Variants in WRN observed in about 807,000 individuals in gnomAD.
WRN encodes bifunctional 3'-5' exonuclease/ATP-dependent helicase WRN.
A neutral mutation model predicts 180.7 loss-of-function variants in WRN; 149 were observed. The ratio of observed to expected loss-of-function variants is 0.82; its 90% CI spans 0.72 to 0.94. The LOEUF (loss-of-function observed/expected upper bound fraction) is 0.94. WRN is among the 40% of genes least tolerant of loss of function. WRN has a pLI of 0.00. For missense variants in WRN, 1,661 were observed against 1,700.1 expected (o/e 0.98, Z 0.40); for synonymous variants, 548 against 568.9 (o/e 0.96, Z 0.52).
chr8:31,137,557 G>C (rs1312360675), intron 24 of WRN, among the ~76,000 whole-genome samples: 1 of 152,018 alleles, frequency 6.6e-6, no homozygotes, highest in African/African-American at 2.4e-5. Context: ...TGAGTTAAAG[G>C]ATCAGCTGTT....
At chr8:31,070,455 T>A (rs1812869158) in intron 7 of WRN, among the ~76,000 whole-genome samples, 1 of 151,786 alleles carries the variant, frequency 6.6e-6, no homozygotes, top group Non-Finnish European at 1.5e-5. Flanking sequence ...AAACACCAAA[T>A]GATATAGTAG....
At chr8:31,148,083 T>C (rs1282615317) in intron 30 of WRN, among the ~76,000 whole-genome samples, 1 of 151,990 alleles carries the variant, frequency 6.6e-6, no homozygotes, top group Non-Finnish European at 1.5e-5. Context: ...GACAGGGTTT[T>C]GCCATATTGC....
intron 1 of WRN, among the ~76,000 whole-genome samples, chr8:31,041,873 C>G (rs998668629): frequency 2.0e-5 from 3 of 152,180 alleles, no homozygotes; most frequent in African/African-American, 7.2e-5. Flanking sequence ...GGTACAGGCA[C>G]AGAGTAGGTC....
rs541455377 is a variant in WRN at position 31,081,172 on chromosome 8, A to G, written c.1145A>G (p.Lys382Arg). Residue 382 changes from lysine to arginine, a missense_variant, in exon 9 of 35, where the codon AAA (lysine) becomes AGA (arginine). Around this residue, in one of 3 missense-constraint regions of WRN, gnomAD observed 500 missense variants for 504.1 expected, o/e 0.99. Transcript: ENST00000298139. ...DGFEDGVEDN[K>R]LKENMERACL... ...TTTGAAGATGGAGTAGAAGACAACA[A>G]ATTGAAAGAGAATATGGAAAGAGCT... The G allele has an allele frequency of 6.8e-6, 11 of 1,614,104 alleles. No individual in the cohort carries two copies. The East Asian group carries it at 1.1e-4, about 16-fold the overall frequency.
chr8:31,151,495 G>A (rs761030179), intron 31 of WRN, among the ~76,000 whole-genome samples: 15 of 152,064 alleles, frequency 9.9e-5, no homozygotes, highest in Non-Finnish European at 2.1e-4. Flanking sequence ...AAGACATCAT[G>A]TGAAAATTCT....
At chr8:31,040,727 A>G (rs1326655537) in intron 1 of WRN, among the ~76,000 whole-genome samples, 1 of 152,196 alleles carries the variant, frequency 6.6e-6, no homozygotes, top group Non-Finnish European at 1.5e-5. Context: ...AGAGGATTAA[A>G]GGAGTGGAAA....
At chr8:31,114,296 C>G (rs1036329326) in intron 19 of WRN, among the ~76,000 whole-genome samples, 1 of 151,946 alleles carries the variant, frequency 6.6e-6, no homozygotes, top group Non-Finnish European at 1.5e-5. Context: ...TTGTTAAAGT[C>G]TTAATTATAA....
At position 31,146,335 on chromosome 8, in the gene WRN, T is replaced by G. The variant is rs966035628; in HGVS notation, c.3384-718T>G. Among the ~76,000 whole-genome samples, 23 of 151,064 alleles carry G rather than the reference T, an allele frequency of 1.5e-4. 1 individual carries two copies. Among genetic ancestry groups the G allele is most frequent in the Admixed American group, 1.3e-3 (19 of 15,128 alleles). On this transcript the variant is annotated intron_variant, in intron 28 of 34. Coordinates refer to ENST00000298139, the MANE Select transcript of WRN (RefSeq NM_000553.6). ...AATATTGTATTTATATTATTAAAAC[T>G]ACACAAATATTATATACACACTACT...
chr8:31,049,516 A>G (rs959904476), intron 1 of WRN, among the ~76,000 whole-genome samples: 1 of 151,422 alleles, frequency 6.6e-6, no homozygotes, highest in Non-Finnish European at 1.5e-5. Context: ...TGTCTCAAAA[A>G]AAAAAAAAAA....
At chr8:31,072,342 G>A (rs1563333971) in intron 7 of WRN, among the ~76,000 whole-genome samples, 1 of 152,180 alleles carries the variant, frequency 6.6e-6, no homozygotes, top group Non-Finnish European at 1.5e-5. Flanking sequence ...TGCTGTACTG[G>A]GTAGCAAAAG....
chr8:31,035,566 T>A (rs1296424025), intron 1 of WRN, among the ~76,000 whole-genome samples: 2 of 152,116 alleles, frequency 1.3e-5, no homozygotes, highest in Non-Finnish European at 2.9e-5. Flanking sequence ...ATGGGCTATA[T>A]TGAAAATTGG....
chr8:31,060,856 T>G (rs1465813411), intron 3 of WRN, among the ~76,000 whole-genome samples: 1 of 152,148 alleles, frequency 6.6e-6, no homozygotes, highest in Admixed American at 6.5e-5. Context: ...CAGGCAGAGT[T>G]TTTGTGTTTG....
chr8:31,120,541 TAAAAA>T (rs368026803), intron 21 of WRN, 117 bp downstream of exon 21: 7 of 688,744 alleles, frequency 1.0e-5, no homozygotes, highest in Admixed American at 7.2e-5. Flanking sequence ...GCATTTAAAG[TAAAAA>T]AAAAAAAAAA....
chr8:31,078,703 A>G (rs1390567515), intron 8 of WRN, among the ~76,000 whole-genome samples: 4 of 152,256 alleles, frequency 2.6e-5, no homozygotes, highest in South Asian at 4.1e-4. Flanking sequence ...AATTCGGTAT[A>G]TATCTCTTCT....
chr8:31,045,622 G>A (rs1292065680), intron 1 of WRN, among the ~76,000 whole-genome samples: 2 of 151,962 alleles, frequency 1.3e-5, no homozygotes, highest in Non-Finnish European at 2.9e-5. Context: ...GGCTGGTCTC[G>A]AACTCCTGAC....
At chr8:31,062,520 G>A (rs2130022718) in intron 3 of WRN, among the ~76,000 whole-genome samples, 1 of 151,194 alleles carries the variant, frequency 6.6e-6, no homozygotes, top group South Asian at 2.1e-4. Context: ...TGATCCTCCT[G>A]CCTCAGCCTC....
chr8:31,152,211 G>A (rs1049506671), intron 31 of WRN, among the ~76,000 whole-genome samples: 1 of 151,920 alleles, frequency 6.6e-6, no homozygotes, highest in Non-Finnish European at 1.5e-5. Flanking sequence ...TCGTATTCTA[G>A]TCCCAGCTAC....
chr8:31,113,392 T>G (rs1234936184), intron 19 of WRN, among the ~76,000 whole-genome samples: 1 of 152,196 alleles, frequency 6.6e-6, no homozygotes, highest in Non-Finnish European at 1.5e-5. Context: ...TTTCTTGTCC[T>G]ATATTCAGAA....
chr8:31,035,926 A>G (rs760597987), intron 1 of WRN, among the ~76,000 whole-genome samples: 2 of 151,906 alleles, frequency 1.3e-5, no homozygotes, highest in Non-Finnish European at 2.9e-5. Flanking sequence ...TCACTTACCT[A>G]TTTTTTTGTC....
Sources: gnomAD v4.1 joint callset for allele counts (sites outside exome capture counted in the v4.1 genomes callset) on GRCh38, gnomAD v4.1.1 for gene constraint, gnomAD v4.1.1 regional missense constraint, MANE v1.5 for transcripts, NCBI Gene and HGNC (gene_info 2026-07-23, HGNC 2026-07-21) for gene names.